AGAP1: variants seen among roughly 807,000 people sequenced by gnomAD.
AGAP1 encodes ArfGAP with GTPase domain, ankyrin repeat and PH domain 1, also known as arf-GAP with GTPase, ANK repeat and PH domain-containing protein 1.
A neutral mutation model predicts 105.3 loss-of-function variants in AGAP1; 29 were observed. The ratio of observed to expected loss-of-function variants is 0.28; its 90% CI spans 0.21 to 0.38. The LOEUF (loss-of-function observed/expected upper bound fraction) is 0.38, where lower values mean the gene tolerates loss of function less well. Ranked by LOEUF, AGAP1 falls within the 10% of genes least tolerant of loss-of-function variation. AGAP1 has a pLI of 1.00. For synonymous variants in AGAP1, 509 were observed against 485.9 expected, an observed-to-expected ratio of 1.05 and a Z score of -0.63; for missense variants, 998 against 1,165.1, an observed-to-expected ratio of 0.86 and a Z score of 2.09.
rs1244311716 is a variant in AGAP1, at chr2:236,124,761, A to G, written c.*639A>G. On this transcript the variant is annotated 3_prime_UTR_variant, in exon 18 of 18. Transcript: ENST00000304032. The surrounding 1 kb of genome is among the most constrained non-coding windows in gnomAD (Gnocchi z 5.1). ...TTAGTCATCGCCGAGAAGAAAGCAT[A>G]TTAGCCGAGGAGGTAGTCACGCGGC... 6.5e-6 allele frequency: 1 copy of G among 154,732 alleles called. No individual in the cohort carries two copies. Among genetic ancestry groups the G allele is most frequent in the Non-Finnish European group, 1.4e-5 (1 of 69,378 alleles). The allele number at this position is 154,732 out of a possible 1,614,324, so 9.6% of individuals were successfully genotyped here.
intron 5 of AGAP1, among the ~76,000 whole-genome samples, chr2:235,746,322 A>G (rs970023739): frequency 1.4e-5 from 2 of 140,994 alleles, no homozygotes; most frequent in African/African-American, 5.3e-5. Flanking sequence ...GTATCTTTTC[A>G]GTGTGCTAGA....
rs2059164213 is a variant in AGAP1, at chr2:236,095,261, G to C, written c.2115-24931G>C. 6.6e-6 allele frequency among the ~76,000 whole-genome samples: 1 copy of C among 152,092 alleles called. No individual in the cohort carries two copies. Among genetic ancestry groups the C allele is most frequent in the Non-Finnish European group, 1.5e-5 (1 of 68,036 alleles). ...AAAAGTTAAAAATTAGCCAGGCGTG[G>C]TTGCATGCACCTGTGGTCCCAGCTA... On this transcript the variant is annotated intron_variant, in intron 16 of 17. Transcript: ENST00000304032. This position sits in a 1 kb window ranked among gnomAD's most constrained non-coding sequence, Gnocchi z 4.1.
rs897780132 is a variant in AGAP1, at chr2:235,569,167, T to C, written c.163+74318T>C. On this transcript the variant is annotated intron_variant, in intron 1 of 17. Transcript: ENST00000304032. The surrounding 1 kb of genome is among the most constrained non-coding windows in gnomAD (Gnocchi z 5.9). ...CCGTCTCTATTAAAAGTATAAAAAT[T>C]AGCTGGGTGTGGTGGCGGGCGCCTG... Among the ~76,000 whole-genome samples the C allele has an allele frequency of 2.6e-5, 4 of 152,124 alleles. No homozygotes were observed. The highest frequency in any genetic ancestry group is 6.5e-5 in the Admixed American group (1 of 15,272).
At chr2:235,795,242 C>T (rs1187748305) in intron 6 of AGAP1, among the ~76,000 whole-genome samples, 1 of 152,132 alleles carries the variant, frequency 6.6e-6, no homozygotes, top group Non-Finnish European at 1.5e-5. Context: ...AGTTGTCATA[C>T]TAGTTTTTTG....
chr2:235,857,436 A>T (rs1357999387), intron 9 of AGAP1, among the ~76,000 whole-genome samples: 1 of 152,202 alleles, frequency 6.6e-6, no homozygotes, highest in Non-Finnish European at 1.5e-5. Context: ...GAGCGTCCCC[A>T]AGGAGACCTC....
intron 13 of AGAP1, among the ~76,000 whole-genome samples, chr2:236,011,705 T>C (rs553832628): frequency 2.9e-4 from 44 of 152,288 alleles, no homozygotes; most frequent in African/African-American, 1.0e-3. Context: ...ACTGTATTCC[T>C]GAAAGTAGAA....
intron 1 of AGAP1, among the ~76,000 whole-genome samples, chr2:235,504,856 T>G (rs77491330): frequency 0.034 from 5,148 of 152,266 alleles, 118 homozygotes; most frequent in Middle Eastern, 0.16. Flanking sequence ...AGAGATTAGG[T>G]TTTTAAACTT....
rs542717922 is a variant in AGAP1 at position 235,961,879 on chromosome 2, A to G, written c.1484-6583A>G. Among the ~76,000 whole-genome samples, 9 of 152,308 alleles carry G rather than the reference A, an allele frequency of 5.9e-5. No homozygotes were observed. The South Asian group carries it at 1.9e-3, about 32-fold the overall frequency. On this transcript the variant is annotated intron_variant, in intron 12 of 17. Transcript: ENST00000304032. The surrounding 1 kb of genome is among the most constrained non-coding windows in gnomAD (Gnocchi z 5.9). ...CAAGACTTCGTCACACACACGCACAAAAAAGTGAGATGACAGCTCATGTTT... is the reference window on the plus strand; with the variant it reads ...CAAGACTTCGTCACACACACGCACAGAAAAGTGAGATGACAGCTCATGTTT...
chr2:235,902,094 A>G (rs1183545090), intron 10 of AGAP1, among the ~76,000 whole-genome samples: 1 of 152,186 alleles, frequency 6.6e-6, no homozygotes, highest in Non-Finnish European at 1.5e-5. Flanking sequence ...GCATTGTTTT[A>G]TATTTTTTTA....
intron 1 of AGAP1, among the ~76,000 whole-genome samples, chr2:235,565,595 A>C (rs973962221): frequency 2.6e-5 from 4 of 152,206 alleles, no homozygotes; most frequent in Admixed American, 2.0e-4. Flanking sequence ...TTGTGATGAA[A>C]ATACTCTTAA....
At chr2:235,731,727 G>A (rs1305008487) in intron 3 of AGAP1, among the ~76,000 whole-genome samples, 3 of 152,138 alleles carry the variant, frequency 2.0e-5, no homozygotes, top group Admixed American at 6.5e-5. Flanking sequence ...GCTGACAGCC[G>A]ACATGGATTA....
chr2:236,025,125 A>G (rs2057011663), intron 13 of AGAP1, among the ~76,000 whole-genome samples: 1 of 152,170 alleles, frequency 6.6e-6, no homozygotes, highest in South Asian at 2.1e-4. Context: ...AGCTTCTACA[A>G]CCTGAAATCT....
chr2:235,942,934 A>T (rs12692183), intron 12 of AGAP1, among the ~76,000 whole-genome samples: 98,175 of 151,970 alleles, frequency 0.65, 33,505 homozygotes, highest in African/African-American at 0.88. Context: ...TAAAAAAAAA[A>T]TTCATTTAAT....
intron 1 of AGAP1, among the ~76,000 whole-genome samples, chr2:235,530,924 C>G (rs1027217058): frequency 6.6e-6 from 1 of 152,084 alleles, no homozygotes; most frequent in Non-Finnish European, 1.5e-5. Context: ...TGTGGGAGAC[C>G]CTGCACACCT....
At chr2:235,972,383 C>T (rs780413232) in intron 13 of AGAP1, among the ~76,000 whole-genome samples, 9 of 152,156 alleles carry the variant, frequency 5.9e-5, no homozygotes, top group Non-Finnish European at 1.2e-4. Context: ...TCAGTAGAAT[C>T]CATTAAACTC....
At chr2:235,709,273 A>G (rs1294542693) in intron 2 of AGAP1, 36 bp downstream of exon 2, 1 of 1,606,506 alleles carries the variant, frequency 6.2e-7, no homozygotes, top group Non-Finnish European at 8.5e-7. Flanking sequence ...ACCTGTGGGA[A>G]GGGAGGGGCT....
At chr2:235,670,795 T>G in intron 1 of AGAP1, 5 of 1,338,854 alleles carry the variant, frequency 3.7e-6, no homozygotes, top group Non-Finnish European at 5.0e-6. Context: ...GGGAACGCAG[T>G]AAGAGCAAGA....
chr2:235,773,772 C>T (rs868183491), intron 6 of AGAP1: 6 of 367,990 alleles, frequency 1.6e-5, no homozygotes, highest in South Asian at 8.8e-5. Flanking sequence ...TGGTTTTCTT[C>T]GGAGAATCAC....
At chr2:235,823,834 A>T (rs1958932409) in intron 9 of AGAP1, among the ~76,000 whole-genome samples, 1 of 152,244 alleles carries the variant, frequency 6.6e-6, no homozygotes, top group Non-Finnish European at 1.5e-5. Flanking sequence ...AAGAGACAAC[A>T]TGACCATCCT....
Sources: gnomAD v4.1 joint callset for allele counts (sites outside exome capture counted in the v4.1 genomes callset) on GRCh38, gnomAD v4.1.1 for gene constraint, Gnocchi (gnomAD v3.1) non-coding constraint, MANE v1.5 for transcripts, NCBI Gene and HGNC (gene_info 2026-07-23, HGNC 2026-07-21) for gene names.